The following SLC9A2 variants were observed in gnomAD, a reference collection of about 807,000 sequenced individuals.
SLC9A2 encodes the protein solute carrier family 9 member A2, also known as sodium/hydrogen exchanger 2.
Under a neutral mutation model 71.7 loss-of-function variants are expected in SLC9A2, and 42 were observed. The observed-to-expected ratio is 0.59, with a 90% CI of 0.46 to 0.76. The LOEUF (loss-of-function observed/expected upper bound fraction) is 0.76, where lower values mean the gene tolerates loss of function less well. Ranked by LOEUF, SLC9A2 falls within the 30% of genes least tolerant of loss-of-function variation. SLC9A2 has a pLI of 0.00. For missense variants in SLC9A2, 829 were observed against 1,017.4 expected (o/e 0.81, Z 2.52); for synonymous variants, 396 against 392.5 (o/e 1.01, Z -0.10).
intron 1 of SLC9A2, among the ~76,000 whole-genome samples, chr2:102,642,164 A>T (rs1018128635): frequency 3.3e-5 from 5 of 152,314 alleles, no homozygotes; most frequent in African/African-American, 9.6e-5. Flanking sequence ...ATTTTCCCAT[A>T]ATGTACGTGG....
chr2:102,703,088 A>G (rs1050473250), intron 9 of SLC9A2, among the ~76,000 whole-genome samples: 1 of 152,194 alleles, frequency 6.6e-6, no homozygotes, highest in African/African-American at 2.4e-5. Context: ...GTGAAGTGGC[A>G]CACGGGCCAC....
chr2:102,646,023 GA>G (rs1212025396), intron 1 of SLC9A2, among the ~76,000 whole-genome samples: 2 of 152,088 alleles, frequency 1.3e-5, no homozygotes, highest in Non-Finnish European at 1.5e-5. Flanking sequence ...AGGTTGAAAT[GA>G]AAGAAAAAAT....
chr2:102,644,554 A>C (rs1007627403), intron 1 of SLC9A2, among the ~76,000 whole-genome samples: 1 of 152,240 alleles, frequency 6.6e-6, no homozygotes, highest in Non-Finnish European at 1.5e-5. Flanking sequence ...CAGCAAGCTA[A>C]GATCCACTGG....
intron 1 of SLC9A2, among the ~76,000 whole-genome samples, chr2:102,645,262 A>C (rs1229115629): frequency 6.6e-6 from 1 of 152,194 alleles, no homozygotes; most frequent in Non-Finnish European, 1.5e-5. Flanking sequence ...CAACATCAAC[A>C]AAAAGGATGC....
chr2:102,701,007 A>T, intron 7 of SLC9A2, 63 bp from the exon 8 acceptor site: 1 of 1,239,574 alleles, frequency 8.1e-7, no homozygotes, highest in South Asian at 1.5e-5. Flanking sequence ...TTCATTGGTA[A>T]AAACAACAAC....
intron 1 of SLC9A2, among the ~76,000 whole-genome samples, chr2:102,620,688 C>T (rs1558697550): frequency 1.3e-5 from 2 of 152,124 alleles, no homozygotes; most frequent in Non-Finnish European, 2.9e-5. Context: ...TGTCACTCTC[C>T]AGGAAGCTTT....
intron 1 of SLC9A2, among the ~76,000 whole-genome samples, chr2:102,637,476 T>C (rs1289409696): frequency 3.3e-5 from 5 of 152,154 alleles, no homozygotes; most frequent in Non-Finnish European, 7.4e-5. Flanking sequence ...CCAGTGGGTG[T>C]GGTGTGGGTT....
chr2:102,619,801 GCTCGGAGGGCCAACCGCCGGTCCCC>G lies in SLC9A2; in HGVS notation c.-47_-23del. 1 of 1,441,882 alleles carries G rather than the reference GCTCGGAGGGCCAACCGCCGGTCCCC, an allele frequency of 6.9e-7. No homozygotes were observed. Among genetic ancestry groups the G allele is most frequent in the Non-Finnish European group, 9.1e-7 (1 of 1,098,584 alleles). 89.3% of individuals were successfully genotyped at this position (1,441,882 alleles called of 1,614,324 possible). A position where few individuals can be genotyped will look rare whatever the true frequency, so the allele number is the denominator to read the frequency against. On this transcript the variant is annotated 5_prime_UTR_variant, in exon 1 of 12. Coordinates refer to ENST00000233969, the MANE Select transcript of SLC9A2 (RefSeq NM_003048.6). The surrounding 1 kb of genome is among the most constrained non-coding windows in gnomAD (Gnocchi z 4.3). ...GCAGCCCGGGCGCGATGCGTTGAGC[GCTCGGAGGGCCAACCGCCGGTCCCC>G]TTGGCGGCAACCGGCGGCACCCATG...
Position 102,620,046 on chromosome 2 carries a change from C to T in SLC9A2, c.198C>T (p.Ser66=). 1.2e-6 allele frequency: 2 copies of T among 1,614,040 alleles called. No individual in the cohort carries two copies. The highest frequency in any genetic ancestry group is 2.2e-5 in the East Asian group (1 of 44,838). Residue 66 remains serine (S), a synonymous_variant, in exon 1 of 12, where the codon AGC becomes AGT. Transcript: ENST00000233969. The part of the protein sequence containing the change: ...VAPGTTLFEE[S]RLPVFTLDYP... ...CCGGAACGACGCTGTTCGAGGAGAG[C>T]CGGCTGCCTGTGTTTACGCTGGATT... is the stretch of plus-strand genomic sequence containing the variant.
rs766507653 is a variant in SLC9A2, at chr2:102,694,408, G to T, written c.1426-6G>T. Reference sequence around the variant, plus strand: ...ATGAAATGCTTAAATTGTGTTTCCTGTTCAGGGAATAACTATTCGACCACT... The same window carrying T: ...ATGAAATGCTTAAATTGTGTTTCCTTTTCAGGGAATAACTATTCGACCACT... On this transcript the variant is annotated splice_region_variant and splice_polypyrimidine_tract_variant and intron_variant, in intron 5 of 11. Transcript: ENST00000233969. The T allele has an allele frequency of 7.3e-7, 1 of 1,378,480 alleles. No individual in the cohort carries two copies. The highest frequency in any genetic ancestry group is 9.9e-7 in the Non-Finnish European group (1 of 1,014,718). 85.4% of individuals were successfully genotyped at this position (1,378,480 alleles called of 1,614,324 possible).
intron 1 of SLC9A2, among the ~76,000 whole-genome samples, chr2:102,638,468 A>G (rs906846241): frequency 1.3e-5 from 2 of 152,232 alleles, no homozygotes; most frequent in Non-Finnish European, 2.9e-5. Context: ...CCCACCTTGA[A>G]TAAGAAGCAC....
chr2:102,650,310 C>T (rs1190496700), intron 1 of SLC9A2, among the ~76,000 whole-genome samples: 1 of 151,884 alleles, frequency 6.6e-6, no homozygotes, highest in East Asian at 1.9e-4. Context: ...ACATTATACA[C>T]TGGGGCCTGT....
At chr2:102,668,088 T>TAA (rs200229975) in intron 3 of SLC9A2, among the ~76,000 whole-genome samples, 7 of 146,264 alleles carry the variant, frequency 4.8e-5, no homozygotes, top group African/African-American at 1.8e-4. Flanking sequence ...AACTAAAAAA[T>TAA]AAAAAAAAAA....
At chr2:102,637,909 T>C (rs981257143) in intron 1 of SLC9A2, among the ~76,000 whole-genome samples, 8 of 152,196 alleles carry the variant, frequency 5.3e-5, no homozygotes, top group African/African-American at 1.9e-4. Context: ...TGCCTCTTCA[T>C]GCCCTGAGAG....
At chr2:102,669,103 AG>A (rs1677197431) in intron 3 of SLC9A2, among the ~76,000 whole-genome samples, 3 of 152,216 alleles carry the variant, frequency 2.0e-5, no homozygotes, top group Non-Finnish European at 4.4e-5. Flanking sequence ...GTGTTCATAA[AG>A]TCTACTGTTG....
intron 7 of SLC9A2, among the ~76,000 whole-genome samples, chr2:102,695,804 A>ATATTATATATATATTATATT (rs1553429195): frequency 1.1e-5 from 1 of 90,322 alleles, no homozygotes; most frequent in African/African-American, 3.6e-5. Flanking sequence ...TATATATTAT[A>ATATTATATATATATTATATT]TATATATATA....
chr2:102,679,707 T>C (rs978208928), intron 3 of SLC9A2, among the ~76,000 whole-genome samples: 7 of 152,218 alleles, frequency 4.6e-5, no homozygotes, highest in Non-Finnish European at 8.8e-5. Context: ...TGTTTCTAAA[T>C]AGAAATTGTT....
intron 3 of SLC9A2, among the ~76,000 whole-genome samples, chr2:102,680,637 G>T (rs959960051): frequency 2.0e-5 from 3 of 152,148 alleles, no homozygotes; most frequent in African/African-American, 7.2e-5. Flanking sequence ...GGAGGAGAAT[G>T]CAACCTGAAA....
At chr2:102,665,012 T>TTC (rs1677106986) in intron 2 of SLC9A2, 88 bp from the exon 3 acceptor site, 2 of 1,364,746 alleles carry the variant, frequency 1.5e-6, no homozygotes, top group Admixed American at 4.3e-5. Flanking sequence ...ATGTCCTTAT[T>TTC]AGAAGTCCAG....
Sources: allele counts gnomAD v4.1 joint callset (sites outside exome capture counted in the v4.1 genomes callset), GRCh38; gene constraint gnomAD v4.1.1; non-coding constraint Gnocchi (gnomAD v3.1); transcripts MANE v1.5; gene names NCBI Gene and HGNC (gene_info 2026-07-23, HGNC 2026-07-21).